RBFOX3: variants seen among roughly 807,000 people sequenced by gnomAD.
RBFOX3 encodes RNA binding protein fox-1 homolog 3.
In RBFOX3, 17 loss-of-function variants were observed where a neutral mutation model predicts 48.7. The ratio of observed to expected loss-of-function variants is 0.35; its 90% CI spans 0.24 to 0.52. RBFOX3 has a LOEUF of 0.52. Among genes scored for constraint, RBFOX3 ranks in the 20% least tolerant of loss-of-function variants. The probability of loss-of-function intolerance (pLI) is 0.94; values close to 1 mark genes in which losing one functional copy is unlikely to be tolerated. For missense variants in RBFOX3, 382 were observed against 497.5 expected (o/e 0.77, Z 2.21); for synonymous variants, 212 against 209.5 (o/e 1.01, Z -0.10).
chr17:79,259,876 A>G (rs966885266), intron 3 of RBFOX3, among the ~76,000 whole-genome samples: 6 of 152,076 alleles, frequency 3.9e-5, no homozygotes, highest in African/African-American at 1.4e-4. Flanking sequence ...CCGTCTGAGC[A>G]TTATCCCTCT....
At chr17:79,284,616 T>C (rs1285502093) in intron 3 of RBFOX3, among the ~76,000 whole-genome samples, 1 of 150,070 alleles carries the variant, frequency 6.7e-6, no homozygotes. Flanking sequence ...CTCGACTTAC[T>C]GCAACCTCTG....
intron 1 of RBFOX3, among the ~76,000 whole-genome samples, chr17:79,504,647 T>C (rs1254828608): frequency 6.6e-6 from 1 of 152,206 alleles, no homozygotes; most frequent in Non-Finnish European, 1.5e-5. Context: ...CTTTTGTCTG[T>C]GTCAAATCTC....
At chr17:79,296,124 T>A (rs1390274199) in intron 3 of RBFOX3, among the ~76,000 whole-genome samples, 2 of 152,112 alleles carry the variant, frequency 1.3e-5, no homozygotes, top group Non-Finnish European at 2.9e-5. Context: ...ATCAATTCAT[T>A]TTGCAGGCTG....
chr17:79,203,768 T>C (rs2057124134), intron 4 of RBFOX3, among the ~76,000 whole-genome samples: 1 of 152,126 alleles, frequency 6.6e-6, no homozygotes, highest in Non-Finnish European at 1.5e-5. Flanking sequence ...AACTAGACCT[T>C]TGTCTCCTAA....
At chr17:79,629,012 T>C in the RBFOX3 span, among the ~76,000 whole-genome samples, 2 of 152,326 alleles carry the variant, frequency 1.3e-5, no homozygotes, top group African/African-American at 2.4e-5. Context: ...CCTTTGTTCA[T>C]TCATTGATTC....
intron 2 of RBFOX3, among the ~76,000 whole-genome samples, chr17:79,386,222 C>A (rs2060545188): frequency 6.6e-6 from 1 of 151,566 alleles, no homozygotes; most frequent in Non-Finnish European, 1.5e-5. Context: ...AAAGAGGCTC[C>A]ATCACCCTCC....
chr17:79,427,898 C>A (rs972816532), intron 2 of RBFOX3, among the ~76,000 whole-genome samples: 3 of 152,264 alleles, frequency 2.0e-5, no homozygotes, highest in African/African-American at 7.2e-5. Flanking sequence ...TGTCTCCCAG[C>A]CACTTCTTTT....
chr17:79,623,823 T>TAAAAAAAAAAAAAA, the RBFOX3 span, among the ~76,000 whole-genome samples: 123 of 105,978 alleles, frequency 1.2e-3, 4 homozygotes, highest in African/African-American at 4.6e-3. Flanking sequence ...ACTCTGTCTC[T>TAAAAAAAAAAAAAA]AAAAAAAAAA....
intron 2 of RBFOX3, among the ~76,000 whole-genome samples, chr17:79,403,721 A>G (rs1315339476): frequency 6.6e-6 from 1 of 151,684 alleles, no homozygotes; most frequent in Non-Finnish European, 1.5e-5. Flanking sequence ...GTGTCAGGGC[A>G]AACCTGCCCA....
chr17:79,330,229 C>G (rs1361340065), intron 2 of RBFOX3, among the ~76,000 whole-genome samples: 1 of 152,220 alleles, frequency 6.6e-6, no homozygotes, highest in Non-Finnish European at 1.5e-5. Context: ...TGCCCCCTGA[C>G]CCCCGGTAGA....
intron 2 of RBFOX3, among the ~76,000 whole-genome samples, chr17:79,353,245 C>T (rs1024146431): frequency 6.6e-6 from 1 of 152,200 alleles, no homozygotes; most frequent in Non-Finnish European, 1.5e-5. Context: ...TGAGTCCCTG[C>T]TGAAGTCTCC....
intron 2 of RBFOX3, among the ~76,000 whole-genome samples, chr17:79,388,541 T>A (rs1300762463): frequency 1.3e-5 from 2 of 152,230 alleles, no homozygotes; most frequent in Non-Finnish European, 2.9e-5. Context: ...AGAAGATTTT[T>A]AATAAATCTC....
At chr17:79,191,002 A>G (rs1322963206) in intron 4 of RBFOX3, among the ~76,000 whole-genome samples, 1 of 152,162 alleles carries the variant, frequency 6.6e-6, no homozygotes, top group Non-Finnish European at 1.5e-5. Flanking sequence ...TTAGAATTGA[A>G]CTGAGGAAAC....
At chr17:79,122,089 T>C (rs1303851945) in intron 4 of RBFOX3, among the ~76,000 whole-genome samples, 5 of 151,494 alleles carry the variant, frequency 3.3e-5, no homozygotes, top group Non-Finnish European at 5.9e-5. Flanking sequence ...AATCTGGGGG[T>C]CACCCTTGAC....
In RBFOX3 at chr17:79,423,364, G is replaced by A. The variant is rs1012865940; in HGVS notation, c.-175+59090C>T. The stretch of plus-strand genomic sequence containing the variant: ...TTTCAATGCTTGTGCAGATCCTGCC[G>A]CACAGACCCCAACCCTACCTCCAGT... On this transcript the variant is annotated intron_variant, in intron 2 of 14. Transcript: ENST00000693108. The surrounding 1 kb of genome is among the most constrained non-coding windows in gnomAD (Gnocchi z 4.9). 2.0e-5 allele frequency among the ~76,000 whole-genome samples: 3 copies of A among 152,088 alleles called. No homozygotes were observed. Among genetic ancestry groups the A allele is most frequent in the South Asian group, 2.1e-4 (1 of 4,826 alleles).
At chr17:79,209,461 A>T in intron 4 of RBFOX3, among the ~76,000 whole-genome samples, 1 of 152,338 alleles carries the variant, frequency 6.6e-6, no homozygotes, top group Non-Finnish European at 1.5e-5. Flanking sequence ...CCACTTCCAA[A>T]GCACCATGGA....
upstream of RBFOX3, among the ~76,000 whole-genome samples, chr17:79,611,170 CTCTCCGCCCTCCT>C (rs2093964484): frequency 4.0e-4 from 12 of 29,842 alleles, no homozygotes; most frequent in East Asian, 3.2e-3. Flanking sequence ...CTCTCTCTCT[CTCTCCGCCCTCCT>C]TCTCTCTCTC....
At chr17:79,166,211 C>T (rs2047973154) in intron 4 of RBFOX3, among the ~76,000 whole-genome samples, 1 of 152,060 alleles carries the variant, frequency 6.6e-6, no homozygotes, top group African/African-American at 2.4e-5. Flanking sequence ...GATGCAACTC[C>T]AAGCAAACAC....
At chr17:79,178,033 C>T (rs1390789835) in intron 4 of RBFOX3, among the ~76,000 whole-genome samples, 1 of 152,226 alleles carries the variant, frequency 6.6e-6, no homozygotes, top group East Asian at 1.9e-4. Flanking sequence ...CAACACTGAG[C>T]AACCCGCCGA....
Sources: allele counts gnomAD v4.1 joint callset (sites outside exome capture counted in the v4.1 genomes callset), GRCh38; gene constraint gnomAD v4.1.1; non-coding constraint Gnocchi (gnomAD v3.1); transcripts MANE v1.5; gene names NCBI Gene and HGNC (gene_info 2026-07-23, HGNC 2026-07-21).